MYLK4: variants seen among roughly 807,000 people sequenced by gnomAD.
MYLK4 encodes caMLCK like.
Under a neutral mutation model 48.1 loss-of-function variants are expected in MYLK4, and 46 were observed. The observed-to-expected ratio is 0.96, with a 90% CI of 0.75 to 1.22. The LOEUF (loss-of-function observed/expected upper bound fraction) is 1.22, where lower values mean the gene tolerates loss of function less well. Among genes scored for constraint, MYLK4 ranks in the 50% most tolerant of loss-of-function variants. The pLI, the probability that MYLK4 is intolerant of heterozygous loss-of-function variation, is 0.00. For synonymous variants in MYLK4, 170 were observed against 180.8 expected, an observed-to-expected ratio of 0.94 and a Z score of 0.48; for missense variants, 451 against 486.1, an observed-to-expected ratio of 0.93 and a Z score of 0.68.
intron 2 of MYLK4, among the ~76,000 whole-genome samples, chr6:2,740,349 C>T (rs1047042381): frequency 6.6e-6 from 1 of 152,250 alleles, no homozygotes; most frequent in African/African-American, 2.4e-5. Flanking sequence ...CACTGCATTA[C>T]GCCTTCTTCC....
Position 2,672,825 on chromosome 6 carries a change from A to C in MYLK4, c.1120-1477T>G, listed in dbSNP as rs887242825. The stretch of plus-strand genomic sequence containing the variant: ...AGCAGAGCAGTGAGGCTCTGCCCGG[A>C]CTCCAGAGCTCAGCCCTGTCCTGAG... On this transcript the variant is annotated intron_variant, in intron 11 of 12. Coordinates refer to ENST00000274643, the MANE Select transcript of MYLK4 (RefSeq NM_001012418.5). This position sits in a 1 kb window ranked among gnomAD's most constrained non-coding sequence, Gnocchi z 4.3. Among the ~76,000 whole-genome samples the C allele has an allele frequency of 1.3e-5, 2 of 152,224 alleles. No homozygotes were observed. Among genetic ancestry groups the C allele is most frequent in the African/African-American group, 2.4e-5 (1 of 41,532 alleles).
At chr6:2,707,122 A>C (rs992000687) in intron 2 of MYLK4, among the ~76,000 whole-genome samples, 1 of 152,220 alleles carries the variant, frequency 6.6e-6, no homozygotes, top group African/African-American at 2.4e-5. Flanking sequence ...TTCCTCTGTT[A>C]ACTGAGAGAC....
In MYLK4 at chr6:2,742,667, A is replaced by G. The variant is rs187611849; in HGVS notation, c.159+6469T>C. Among the ~76,000 whole-genome samples, 1,399 of 145,164 alleles carry G rather than the reference A, an allele frequency of 9.6e-3. 29 individuals carry two copies. Among genetic ancestry groups the G allele is most frequent in the African/African-American group, 0.032 (1,268 of 39,292 alleles). On this transcript the variant is annotated intron_variant, in intron 2 of 12. Transcript: ENST00000274643. The stretch of plus-strand genomic sequence containing the variant: ...CTCACTCATAGATGGGAATTGAACA[A>G]TGAGAACACGTGGACACAGGAAGGG...
the MYLK4 span, among the ~76,000 whole-genome samples, chr6:2,758,880 T>C: frequency 5.9e-5 from 9 of 152,360 alleles, no homozygotes; most frequent in South Asian, 1.7e-3. Flanking sequence ...GTTTATTCAC[T>C]GATGGAGACA....
chr6:2,768,494 G>GT, the MYLK4 span, among the ~76,000 whole-genome samples: 4 of 152,184 alleles, frequency 2.6e-5, no homozygotes, highest in Admixed American at 2.6e-4. Flanking sequence ...CTACTTTCCT[G>GT]TTTTATTTAT....
At chr6:2,701,031 A>G (rs1331004716) in intron 2 of MYLK4, among the ~76,000 whole-genome samples, 1 of 152,190 alleles carries the variant, frequency 6.6e-6, no homozygotes, top group African/African-American at 2.4e-5. Context: ...GCGTGAGTGC[A>G]TGTGTGTGTC....
chr6:2,729,525 C>T (rs1763402682), intron 2 of MYLK4, among the ~76,000 whole-genome samples: 1 of 152,202 alleles, frequency 6.6e-6, no homozygotes, highest in African/African-American at 2.4e-5. Context: ...CCAGTTTCAC[C>T]AAGGGGCCCT....
chr6:2,695,678 A>C (rs1013485748), intron 2 of MYLK4, among the ~76,000 whole-genome samples: 1 of 152,238 alleles, frequency 6.6e-6, no homozygotes, highest in African/African-American at 2.4e-5. Flanking sequence ...TGAACCGAAG[A>C]GTTTCCAACA....
At chr6:2,725,043 C>T (rs1172627854) in intron 2 of MYLK4, among the ~76,000 whole-genome samples, 1 of 152,026 alleles carries the variant, frequency 6.6e-6, no homozygotes, top group East Asian at 1.9e-4. Flanking sequence ...TCCAGCTGCT[C>T]GAGAGGCTGA....
the MYLK4 span, chr6:2,768,692 C>G: frequency 6.2e-7 from 1 of 1,600,898 alleles, no homozygotes; most frequent in Non-Finnish European, 8.5e-7. Flanking sequence ...CTTTTCTAGA[C>G]CACTCTGGCT....
intron 3 of MYLK4, 41 bp downstream of exon 3, chr6:2,692,743 C>A (rs769421263): frequency 6.4e-7 from 1 of 1,568,812 alleles, no homozygotes; most frequent in Non-Finnish European, 8.7e-7. Flanking sequence ...TATAACGGAA[C>A]TTTCTTCATC....
the MYLK4 span, chr6:2,770,207 C>CTTCTGAGCCGCTGTCGAGTGA: frequency 6.2e-7 from 1 of 1,614,206 alleles, no homozygotes; most frequent in Non-Finnish European, 8.5e-7. Context: ...CAACGCTGCT[C>CTTCTGAGCCGCTGTCGAGTGA]TTCTGAGCCG....
intron 2 of MYLK4, among the ~76,000 whole-genome samples, chr6:2,714,321 T>G (rs1762788863): frequency 6.6e-6 from 1 of 152,204 alleles, no homozygotes; most frequent in Admixed American, 6.5e-5. Context: ...CTTAGAAAGT[T>G]CTAAGTAAAC....
chr6:2,766,206 A>C, the MYLK4 span: 1 of 1,448,022 alleles, frequency 6.9e-7, no homozygotes, highest in Non-Finnish European at 9.1e-7. Context: ...GACGCTGCCG[A>C]AGCCGCCACC....
At chr6:2,688,785 A>G (rs1348219923) in intron 4 of MYLK4, 66 bp downstream of exon 4, 5 of 1,266,156 alleles carry the variant, frequency 3.9e-6, no homozygotes, top group Non-Finnish European at 4.6e-6. Context: ...ACAGGCAGAC[A>G]TTTACGAAGT....
chr6:2,730,714 GA>G (rs1285475717), intron 2 of MYLK4, among the ~76,000 whole-genome samples: 1 of 149,826 alleles, frequency 6.7e-6, no homozygotes, highest in Non-Finnish European at 1.5e-5. Context: ...TTTGCAAAAG[GA>G]AAAAAAATAG....
At position 2,675,074 on chromosome 6, in the gene MYLK4, G is replaced by A; in HGVS notation, c.1092C>T (p.His364=). The A allele has an allele frequency of 6.2e-7, 1 of 1,614,074 alleles. No individual in the cohort carries two copies. The highest frequency in any genetic ancestry group is 8.5e-7 in the Non-Finnish European group (1 of 1,179,942). The change falls in exon 11 of 13, where the codon CAC becomes CAT. Residue 364 remains histidine (H), a synonymous_variant. Coordinates refer to ENST00000274643, the MANE Select transcript of MYLK4 (RefSeq NM_001012418.5). ...EALKHPWLSD[H]KLHSRLNAQK... ...GGGCATTGAGTCTGGAGTGGAGCTT[G>A]TGGTCTGACAACCAGGGGTGCTTGA...
At chr6:2,768,614 G>A in the MYLK4 span, 6 of 1,280,204 alleles carry the variant, frequency 4.7e-6, no homozygotes, top group African/African-American at 3.0e-5. Context: ...GTGATGCTGC[G>A]TGTGGTGGTT....
At chr6:2,691,150 G>A (rs571787468) in intron 3 of MYLK4, among the ~76,000 whole-genome samples, 16 of 152,256 alleles carry the variant, frequency 1.1e-4, no homozygotes, top group Admixed American at 2.0e-4. Context: ...AATCTTAACG[G>A]CAGTGAGACT....
Sources: allele counts gnomAD v4.1 joint callset (sites outside exome capture counted in the v4.1 genomes callset), GRCh38; gene constraint gnomAD v4.1.1; non-coding constraint Gnocchi (gnomAD v3.1); transcripts MANE v1.5; gene names NCBI Gene and HGNC (gene_info 2026-07-23, HGNC 2026-07-21).